Variants in SLC22A15 observed in about 807,000 individuals in gnomAD.
The protein encoded by SLC22A15 is flipt 1.
Under a neutral mutation model 62.7 loss-of-function variants are expected in SLC22A15, and 45 were observed. The ratio of observed to expected loss-of-function variants is 0.72; its 90% CI spans 0.56 to 0.92. The LOEUF is 0.92. SLC22A15 is among the 40% of genes least tolerant of loss of function. The probability of loss-of-function intolerance (pLI) is 0.00; values close to 1 mark genes in which losing one functional copy is unlikely to be tolerated. For missense variants in SLC22A15, 622 were observed against 665.6 expected (o/e 0.93, Z 0.72); for synonymous variants, 264 against 267.0 (o/e 0.99, Z 0.11).
chr1:116,056,120 C>T (rs1193028567), intron 8 of SLC22A15, among the ~76,000 whole-genome samples: 2 of 151,338 alleles, frequency 1.3e-5, no homozygotes, highest in Admixed American at 1.3e-4. Context: ...CAAATTGTCC[C>T]TGTTTGCAGA....
chr1:116,037,203 A>G (rs1352800361), intron 7 of SLC22A15, 100 bp from the exon 8 acceptor site: 19 of 1,014,446 alleles, frequency 1.9e-5, no homozygotes, highest in African/African-American at 3.2e-5. Context: ...AGATGAACAT[A>G]TATAATGAAA....
At chr1:116,034,570 T>A (rs755418625) in intron 6 of SLC22A15, among the ~76,000 whole-genome samples, 13 of 152,194 alleles carry the variant, frequency 8.5e-5, no homozygotes, top group Non-Finnish European at 8.8e-5. Flanking sequence ...GCCTTTGCTG[T>A]GACCTTTAAT....
intron 3 of SLC22A15, 41 bp from the exon 4 acceptor site, chr1:116,020,680 A>AT (rs1315150721): frequency 3.3e-6 from 5 of 1,496,926 alleles, no homozygotes; most frequent in Non-Finnish European, 4.5e-6. Context: ...ATCAAATGCT[A>AT]TTTTGCCTCT....
chr1:116,009,164 GTC>G lies in SLC22A15; in HGVS notation c.301-10413_301-10412del, dbSNP rs1656125317. Among the ~76,000 whole-genome samples, 4 of 152,224 alleles carry G rather than the reference GTC, an allele frequency of 2.6e-5. No homozygotes were observed. The South Asian group carries it at 8.3e-4, about 32-fold the overall frequency. ...CTGCCCCAGTGACAACATTCACTATGTCTCTCCTCTCTGAATAGATTCAGGGA... is the reference window on the plus strand; with the variant it reads ...CTGCCCCAGTGACAACATTCACTATGTCTCCTCTCTGAATAGATTCAGGGA... On this transcript the variant is annotated intron_variant, in intron 2 of 11. Transcript: ENST00000369503.
chr1:116,001,253 G>C (rs563144696), intron 2 of SLC22A15, among the ~76,000 whole-genome samples: 2 of 151,702 alleles, frequency 1.3e-5, no homozygotes, highest in South Asian at 4.2e-4. Flanking sequence ...GCTGCTTTTA[G>C]AACCATTTCT....
At chr1:116,009,847 C>G (rs1285539846) in intron 2 of SLC22A15, among the ~76,000 whole-genome samples, 1 of 152,042 alleles carries the variant, frequency 6.6e-6, no homozygotes, top group Non-Finnish European at 1.5e-5. Flanking sequence ...AAATATGAAG[C>G]CCTGTTGACC....
intron 2 of SLC22A15, among the ~76,000 whole-genome samples, chr1:115,995,910 C>A (rs1655399797): frequency 6.6e-6 from 1 of 152,280 alleles, no homozygotes; most frequent in African/African-American, 2.4e-5. Context: ...TACTCTTTAC[C>A]TAGTTTCTTC....
At chr1:116,002,801 G>A (rs182462151) in intron 2 of SLC22A15, among the ~76,000 whole-genome samples, 2 of 152,226 alleles carry the variant, frequency 1.3e-5, no homozygotes, top group African/African-American at 4.8e-5. Flanking sequence ...GCCAAGGCCT[G>A]TAATCAGGGA....
At chr1:116,052,319 C>T (rs1658082430) in intron 8 of SLC22A15, among the ~76,000 whole-genome samples, 1 of 152,248 alleles carries the variant, frequency 6.6e-6, no homozygotes, top group Non-Finnish European at 1.5e-5. Flanking sequence ...TGAGATCCAA[C>T]TGCAAGGTGG....
chr1:115,997,865 G>A (rs190054139), intron 2 of SLC22A15, among the ~76,000 whole-genome samples: 1 of 152,162 alleles, frequency 6.6e-6, no homozygotes, highest in East Asian at 1.9e-4. Flanking sequence ...TCCTTGTCTT[G>A]TTCTAGATCT....
rs1328505890 is a variant in SLC22A15, at chr1:116,020,967, G to A, written c.598+82G>A. 4.6e-6 allele frequency: 6 copies of A among 1,295,912 alleles called. No homozygotes were observed. The East Asian group carries it at 9.8e-5, about 21-fold the overall frequency. The allele number at this position is 1,295,912 out of a possible 1,614,324, so 80.3% of individuals were successfully genotyped here. On this transcript the variant is annotated intron_variant, in intron 4 of 11. Coordinates refer to ENST00000369503, the MANE Select transcript of SLC22A15 (RefSeq NM_018420.3). The stretch of plus-strand genomic sequence containing the variant: ...GGGACCCAGTTTAATCCTAGAGTCT[G>A]GAAATGCATTTGGACTTGAGGTACT...
chr1:115,984,036 G>T (rs1007758530), intron 1 of SLC22A15, among the ~76,000 whole-genome samples: 1 of 152,132 alleles, frequency 6.6e-6, no homozygotes, highest in Non-Finnish European at 1.5e-5. Context: ...TGTCTGAATT[G>T]ATATAAAATT....
At chr1:116,053,676 G>A (rs544903643) in intron 8 of SLC22A15, among the ~76,000 whole-genome samples, 2 of 152,336 alleles carry the variant, frequency 1.3e-5, no homozygotes, top group East Asian at 3.9e-4. Flanking sequence ...TACCCACAAA[G>A]GGAAGCCCAT....
chr1:116,045,694 G>A (rs376343051), intron 8 of SLC22A15, among the ~76,000 whole-genome samples: 31 of 142,140 alleles, frequency 2.2e-4, no homozygotes, highest in Admixed American at 8.9e-4. Flanking sequence ...AGCCAAGATC[G>A]TGCTACTGCA....
intron 1 of SLC22A15, among the ~76,000 whole-genome samples, chr1:115,988,332 G>A (rs551149325): frequency 6.6e-5 from 10 of 152,216 alleles, no homozygotes; most frequent in African/African-American, 1.9e-4. Flanking sequence ...AAGAACGAGC[G>A]AATATTTTTG....
intron 4 of SLC22A15, among the ~76,000 whole-genome samples, chr1:116,025,897 G>A (rs1657061281): frequency 6.6e-6 from 1 of 152,162 alleles, no homozygotes; most frequent in East Asian, 1.9e-4. Context: ...GCAAGCCTGT[G>A]GGTTTAATAC....
intron 8 of SLC22A15, among the ~76,000 whole-genome samples, chr1:116,058,426 C>A (rs972908517): frequency 2.0e-5 from 3 of 152,276 alleles, no homozygotes; most frequent in Admixed American, 1.3e-4. Context: ...TACCATCTTA[C>A]TCCTGCAAGA....
chr1:116,061,448 C>A (rs1658376251), intron 8 of SLC22A15, among the ~76,000 whole-genome samples: 1 of 152,066 alleles, frequency 6.6e-6, no homozygotes, highest in African/African-American at 2.4e-5. Context: ...GAGGACATTG[C>A]TGCTGACCTT....
At chr1:116,051,050 C>T (rs1388871334) in intron 8 of SLC22A15, among the ~76,000 whole-genome samples, 4 of 152,092 alleles carry the variant, frequency 2.6e-5, no homozygotes, top group Non-Finnish European at 4.4e-5. Context: ...AACTACAAAA[C>T]ACTGCTGAAA....
Sources: gnomAD v4.1 joint callset for allele counts (sites outside exome capture counted in the v4.1 genomes callset) on GRCh38, gnomAD v4.1.1 for gene constraint, MANE v1.5 for transcripts, NCBI Gene and HGNC (gene_info 2026-07-23, HGNC 2026-07-21) for gene names.